Variants in CHCHD6 observed in about 807,000 individuals in gnomAD.
CHCHD6 encodes the protein coiled-coil-helix-coiled-coil-helix domain containing 6.
CHCHD6 carries 28 observed loss-of-function variants against 32.3 expected under a neutral mutation model. The ratio of observed to expected loss-of-function variants is 0.87; its 90% CI spans 0.64 to 1.19. The LOEUF (loss-of-function observed/expected upper bound fraction) is 1.19. Ranked by LOEUF, CHCHD6 falls within the 50% of genes most tolerant of loss-of-function variation. CHCHD6 has a pLI of 0.00. For missense variants in CHCHD6, 333 were observed against 307.0 expected, an observed-to-expected ratio of 1.08 and a Z score of -0.63; for synonymous variants, 122 against 117.5, an observed-to-expected ratio of 1.04 and a Z score of -0.25.
At chr3:126,839,545 G>T (rs995546702) in intron 4 of CHCHD6, among the ~76,000 whole-genome samples, 2 of 151,922 alleles carry the variant, frequency 1.3e-5, no homozygotes, top group African/African-American at 4.8e-5. Flanking sequence ...CTCATTTTCG[G>T]CCGGAACCTG....
At chr3:126,926,790 G>C (rs1243881045) in intron 6 of CHCHD6, among the ~76,000 whole-genome samples, 1 of 152,158 alleles carries the variant, frequency 6.6e-6, no homozygotes. Flanking sequence ...GTTTTAGAAA[G>C]AGATCTGGCA....
At chr3:126,866,576 G>A (rs938288576) in intron 5 of CHCHD6, among the ~76,000 whole-genome samples, 1 of 152,208 alleles carries the variant, frequency 6.6e-6, no homozygotes, top group Non-Finnish European at 1.5e-5. Flanking sequence ...AAAGGCCTTG[G>A]CAGGCTAAAT....
chr3:126,933,076 T>A (rs1039392939), intron 6 of CHCHD6, among the ~76,000 whole-genome samples: 1 of 152,164 alleles, frequency 6.6e-6, no homozygotes, highest in Admixed American at 6.5e-5. Flanking sequence ...GACCCACGGT[T>A]CTGAAAAGTC....
intron 1 of CHCHD6, among the ~76,000 whole-genome samples, chr3:126,715,336 G>A (rs1231941824): frequency 2.0e-5 from 3 of 152,190 alleles, no homozygotes; most frequent in Non-Finnish European, 2.9e-5. Context: ...TCGCTGCACA[G>A]GGACTGCCCT....
At chr3:126,704,640 C>G (rs1354373618) in intron 1 of CHCHD6, among the ~76,000 whole-genome samples, 1 of 152,186 alleles carries the variant, frequency 6.6e-6, no homozygotes, top group African/African-American at 2.4e-5. Flanking sequence ...TGCGAGGCCC[C>G]TGGGACACGA....
intron 1 of CHCHD6, among the ~76,000 whole-genome samples, chr3:126,725,117 G>T (rs1478431933): frequency 6.6e-6 from 1 of 152,190 alleles, no homozygotes; most frequent in Non-Finnish European, 1.5e-5. Context: ...TTTCCTTGGA[G>T]TTCTCAGTTT....
chr3:126,931,662 T>G (rs1348045518), intron 6 of CHCHD6, among the ~76,000 whole-genome samples: 1 of 152,204 alleles, frequency 6.6e-6, no homozygotes, highest in South Asian at 2.1e-4. Context: ...TTAGTGCCCC[T>G]TGACATACAT....
intron 4 of CHCHD6, chr3:126,766,841 C>A (rs1937387627): frequency 2.1e-6 from 2 of 965,638 alleles, no homozygotes; most frequent in Non-Finnish European, 3.4e-6. Context: ...ATCTGGGACA[C>A]CCGATGTCCA....
chr3:126,735,335 C>G (rs1935996582), intron 4 of CHCHD6, among the ~76,000 whole-genome samples: 1 of 152,234 alleles, frequency 6.6e-6, no homozygotes, highest in South Asian at 2.1e-4. Context: ...TGATTCCCAT[C>G]CCCCTCAGGT....
intron 4 of CHCHD6, among the ~76,000 whole-genome samples, chr3:126,743,966 G>T (rs1355900744): frequency 6.6e-6 from 1 of 152,224 alleles, no homozygotes; most frequent in Non-Finnish European, 1.5e-5. Context: ...GGCACAGGTA[G>T]TCAGAGGAAG....
intron 4 of CHCHD6, among the ~76,000 whole-genome samples, chr3:126,831,552 C>T (rs533116171): frequency 7.2e-5 from 11 of 152,306 alleles, no homozygotes; most frequent in South Asian, 4.1e-4. Flanking sequence ...CAGCAGAACA[C>T]GCTTAAATTA....
chr3:126,743,294 GTT>G (rs1042209965), intron 4 of CHCHD6, among the ~76,000 whole-genome samples: 8 of 152,298 alleles, frequency 5.3e-5, no homozygotes, highest in African/African-American at 1.9e-4. Context: ...GGACACGTGG[GTT>G]TTGCAACCTG....
In CHCHD6 at chr3:126,813,528, A is replaced by G. The variant is rs1189676303; in HGVS notation, c.412-39119A>G. ...GAGCATCTGCTAGGTACTGGCCACT[A>G]CTGAGGAGCTTTCACCCACATGAGC... On this transcript the variant is annotated intron_variant, in intron 4 of 7. Coordinates refer to ENST00000290913, the MANE Select transcript of CHCHD6 (RefSeq NM_032343.3). 5.9e-5 allele frequency among the ~76,000 whole-genome samples: 9 copies of G among 152,208 alleles called. No homozygotes were observed. The East Asian group carries it at 1.5e-3, about 26-fold the overall frequency.
chr3:126,708,221 A>C (rs1934588218), intron 1 of CHCHD6, among the ~76,000 whole-genome samples: 1 of 152,216 alleles, frequency 6.6e-6, no homozygotes, highest in African/African-American at 2.4e-5. Flanking sequence ...GAAATTCCAC[A>C]TGCTTACCTT....
At chr3:126,915,462 C>T (rs997037390) in intron 6 of CHCHD6, among the ~76,000 whole-genome samples, 2 of 152,196 alleles carry the variant, frequency 1.3e-5, no homozygotes, top group Non-Finnish European at 2.9e-5. Flanking sequence ...GGAATTGGGT[C>T]TTATGGGTTC....
intron 4 of CHCHD6, among the ~76,000 whole-genome samples, chr3:126,815,425 C>T (rs948079932): frequency 6.6e-6 from 1 of 152,178 alleles, no homozygotes; most frequent in Non-Finnish European, 1.5e-5. Flanking sequence ...GTCTGCCAGG[C>T]GTGCTCTCCT....
At chr3:126,787,520 C>G (rs1938278355) in intron 4 of CHCHD6, among the ~76,000 whole-genome samples, 1 of 152,126 alleles carries the variant, frequency 6.6e-6, no homozygotes, top group South Asian at 2.1e-4. Context: ...GTTTGTAGTT[C>G]TCCTTGAAGA....
chr3:126,949,403 A>C (rs1319838102), intron 6 of CHCHD6: 2 of 229,222 alleles, frequency 8.7e-6, no homozygotes, highest in African/African-American at 4.8e-5. Context: ...GGAAGGCTGC[A>C]CCAACAGGTC....
chr3:126,863,190 C>T (rs1177725646), intron 5 of CHCHD6, among the ~76,000 whole-genome samples: 1 of 139,484 alleles, frequency 7.2e-6, no homozygotes, highest in African/African-American at 2.8e-5. Flanking sequence ...CCCCCTCCTC[C>T]ACCATCACCA....
Sources: allele counts gnomAD v4.1 joint callset (sites outside exome capture counted in the v4.1 genomes callset), GRCh38; gene constraint gnomAD v4.1.1; transcripts MANE v1.5; gene names NCBI Gene and HGNC (gene_info 2026-07-23, HGNC 2026-07-21).